ABCC8: variants seen among roughly 807,000 people sequenced by gnomAD.
ABCC8 encodes ATP binding cassette subfamily C member 8.
In ABCC8, 137 loss-of-function variants were observed where a neutral mutation model predicts 188.0. The observed-to-expected ratio is 0.73, with a 90% CI of 0.63 to 0.84. The LOEUF is 0.84. ABCC8 is among the 40% of genes least tolerant of loss of function. ABCC8 has a pLI of 0.00. For missense variants in ABCC8, 1,750 were observed against 2,072.7 expected, an observed-to-expected ratio of 0.84 and a Z score of 3.02; for synonymous variants, 797 against 846.5, an observed-to-expected ratio of 0.94 and a Z score of 1.01.
intron 6 of ABCC8, among the ~76,000 whole-genome samples, chr11:17,457,804 A>G (rs1218839952): frequency 1.3e-5 from 2 of 152,238 alleles, no homozygotes; most frequent in South Asian, 2.1e-4. Flanking sequence ...AACTCTGAGT[A>G]TCTTAGGAAG....
intron 10 of ABCC8, 68 bp downstream of exon 10, chr11:17,442,652 G>A (rs952847780): frequency 7.9e-6 from 12 of 1,517,222 alleles, no homozygotes; most frequent in African/African-American, 1.4e-5. Flanking sequence ...CCTCTTACCC[G>A]AGCTCTGACA....
rs17846721 is a variant in ABCC8, at chr11:17,393,084, C to T, written c.4653G>A (p.Leu1551=). The change falls in exon 39 of 39, where the codon CTG becomes CTA. Residue 1551 remains leucine, a synonymous_variant. Transcript: ENST00000389817. The part of the protein sequence containing the change: ...TILSADLVIV[L]KRGAILEFDK... Reference sequence around the variant, plus strand: ...CGAACTCAAGGATGGCACCCCGCTTCAGGACGATCACCAGGTCTGCACTCA... The same window carrying T: ...CGAACTCAAGGATGGCACCCCGCTTTAGGACGATCACCAGGTCTGCACTCA... 1.7e-5 allele frequency: 28 copies of T among 1,613,936 alleles called. No individual in the cohort carries two copies. The East Asian group carries it at 6.2e-4, about 36-fold the overall frequency.
At chr11:17,420,189 A>G (rs1955271313) in intron 16 of ABCC8, among the ~76,000 whole-genome samples, 1 of 152,222 alleles carries the variant, frequency 6.6e-6, no homozygotes, top group Non-Finnish European at 1.5e-5. Context: ...TCCTGCCCAG[A>G]CAGGCTTGTC....
chr11:17,463,564 G>T lies in ABCC8; in HGVS notation c.453C>A (p.Thr151=). ...GGTCCAAGAACTTGACAAACTTGAT[G>T]GTCTTGGTGATGAAGGCCAGGGTCC... is the stretch of plus-strand genomic sequence containing the variant. ...VYWTLAFITK[T]IKFVKFLDHA... is the part of the protein sequence containing the mutation. The change falls in exon 4 of 39, where the codon ACC becomes ACA. Residue 151 remains threonine, a synonymous_variant. Coordinates refer to ENST00000389817, the MANE Select transcript of ABCC8 (RefSeq NM_000352.6). 6.3e-7 allele frequency: 1 copy of T among 1,592,908 alleles called. No homozygotes were observed. Among genetic ancestry groups the T allele is most frequent in the South Asian group, 1.1e-5 (1 of 87,248 alleles).
Position 17,475,029 on chromosome 11 carries a change from T to G in ABCC8, c.149-2A>C. On this transcript the variant is annotated splice_acceptor_variant, in intron 1 of 38. Coordinates refer to ENST00000389817, the MANE Select transcript of ABCC8 (RefSeq NM_000352.6). LOFTEE classifies it high-confidence loss of function. ...CCTTGGAGCTCTGACTTCCCCATCCTGCAGGGAGAGACAGTCAGAGGCAGG... is the reference window on the plus strand; with the variant it reads ...CCTTGGAGCTCTGACTTCCCCATCCGGCAGGGAGAGACAGTCAGAGGCAGG... 6.2e-7 allele frequency: 1 copy of G among 1,614,128 alleles called. No homozygotes were observed. The highest frequency in any genetic ancestry group is 8.5e-7 in the Non-Finnish European group (1 of 1,180,002).
intron 16 of ABCC8, among the ~76,000 whole-genome samples, chr11:17,423,226 G>A (rs1955429306): frequency 1.3e-5 from 2 of 151,848 alleles, no homozygotes; most frequent in African/African-American, 4.8e-5. Context: ...GCATGGTGGT[G>A]TACACCTGTA....
At chr11:17,423,904 C>A (rs1955465228) in intron 16 of ABCC8, among the ~76,000 whole-genome samples, 1 of 152,260 alleles carries the variant, frequency 6.6e-6, no homozygotes, top group African/African-American at 2.4e-5. Context: ...CCACTTCTGC[C>A]ATTTAACAGC....
chr11:17,420,051 T>C (rs1955264056), intron 16 of ABCC8, among the ~76,000 whole-genome samples: 1 of 152,034 alleles, frequency 6.6e-6, no homozygotes, highest in Non-Finnish European at 1.5e-5. Context: ...GCCCCAAAAG[T>C]ACAGGCAGAG....
At position 17,428,283 on chromosome 11, in the gene ABCC8, A is replaced by T. The variant is rs376331509; in HGVS notation, c.2040+6T>A. 5.0e-6 allele frequency: 8 copies of T among 1,613,756 alleles called. No homozygotes were observed. In the African/African-American group the frequency reaches 5.3e-5, roughly 11 times the overall value. ...GGGTGGCCAGGCATGGGGCAGCAGG[A>T]CTCACCTGGACACAGCAGTTGTCAG... On this transcript the variant is annotated splice_donor_region_variant and intron_variant, in intron 14 of 38. Transcript: ENST00000389817.
chr11:17,470,975 A>G lies in ABCC8; in HGVS notation c.291-753T>C, dbSNP rs1031270821. ...ATGCCCTTCCACAGCTCCCTCCTGC[A>G]GACAGCAAAACCCACTCTGCTCAGC... is the stretch of plus-strand genomic sequence containing the variant. On this transcript the variant is annotated intron_variant, in intron 2 of 38. Coordinates refer to ENST00000389817, the MANE Select transcript of ABCC8 (RefSeq NM_000352.6). Among the ~76,000 whole-genome samples the G allele has an allele frequency of 2.6e-5, 4 of 152,186 alleles. No individual in the cohort carries two copies. In the East Asian group the frequency reaches 7.7e-4, roughly 29 times the overall value.
chr11:17,474,836 AAGT>A (rs1273307784), intron 2 of ABCC8, 47 bp downstream of exon 2: 6 of 1,596,360 alleles, frequency 3.8e-6, no homozygotes, highest in Non-Finnish European at 5.2e-6. Flanking sequence ...GCCTTTCAGG[AAGT>A]ACCCTGGAGC....
chr11:17,453,421 T>G lies in ABCC8; in HGVS notation c.1012-138A>C, dbSNP rs186137949. 186 of 1,206,858 alleles carry G rather than the reference T, an allele frequency of 1.5e-4. No individual in the cohort carries two copies. In the African/African-American group the frequency reaches 2.6e-3, roughly 17 times the overall value. The allele number at this position is 1,206,858 out of a possible 1,614,324, so 74.8% of individuals were successfully genotyped here. A position where few individuals can be genotyped will look rare whatever the true frequency, so the allele number is the denominator to read the frequency against. On this transcript the variant is annotated intron_variant, in intron 6 of 38. Coordinates refer to ENST00000389817, the MANE Select transcript of ABCC8 (RefSeq NM_000352.6). ...GCTTGCAAAGGCTTGTGCAATTGTT[T>G]ATGAGTGAAAAATCAGACTGATAAA...
intron 10 of ABCC8, among the ~76,000 whole-genome samples, chr11:17,440,677 T>C (rs186280502): frequency 6.6e-6 from 1 of 152,350 alleles, no homozygotes; most frequent in East Asian, 1.9e-4. Context: ...GCTTGCACCA[T>C]GTATGGCAGA....
intron 23 of ABCC8, 48 bp from the exon 24 acceptor site, chr11:17,407,501 G>A (rs945683819): frequency 1.2e-6 from 2 of 1,613,618 alleles, no homozygotes; most frequent in African/African-American, 1.3e-5. Flanking sequence ...TATATGGTTG[G>A]TGGGGGAAGG....
rs1352191146 is a variant in ABCC8, at chr11:17,406,661, T to C, written c.3290A>G (p.His1097Arg). The change falls in exon 26 of 39, where the codon CAC (histidine) becomes CGC (arginine). Residue 1097 changes from histidine to arginine, a missense_variant. Physicochemically the swap from His to Arg is conservative, Grantham distance 29. Coordinates refer to ENST00000389817, the MANE Select transcript of ABCC8 (RefSeq NM_000352.6). The stretch of plus-strand genomic sequence containing the variant: ...GATGATCCGGTTTAGCAGGCTGCGG[T>C]GCAGTCTCTTGGCCACCTTCAGCCC... ...WTGLKVAKRL[H>R]RSLLNRIILA... The C allele has an allele frequency of 2.5e-6, 4 of 1,614,012 alleles. No individual in the cohort carries two copies. The highest frequency in any genetic ancestry group is 1.1e-5 in the South Asian group (1 of 91,070).
intron 10 of ABCC8, among the ~76,000 whole-genome samples, chr11:17,438,858 T>G (rs541686971): frequency 6.6e-6 from 1 of 152,344 alleles, no homozygotes; most frequent in African/African-American, 2.4e-5. Context: ...TTCAATTCAC[T>G]GAGAGTCAGT....
intron 19 of ABCC8, among the ~76,000 whole-genome samples, chr11:17,413,753 T>C (rs1305501719): frequency 6.6e-6 from 1 of 152,180 alleles, no homozygotes; most frequent in East Asian, 1.9e-4. Flanking sequence ...ATGATCTCTG[T>C]GCAGTGGGAA....
rs755795582 is a variant in ABCC8, at chr11:17,428,408, G to A, written c.1924-3C>T. On this transcript the variant is annotated splice_polypyrimidine_tract_variant and splice_region_variant and intron_variant, in intron 13 of 38. Transcript: ENST00000389817. Reference sequence around the variant, plus strand: ...TTGCGGTTCACAACCCTGAGGGGCTGGGGGTGGTTTGGAGGTGAGGACCCA... The same window carrying A: ...TTGCGGTTCACAACCCTGAGGGGCTAGGGGTGGTTTGGAGGTGAGGACCCA... 3 of 1,612,300 alleles carry A rather than the reference G, an allele frequency of 1.9e-6. No individual in the cohort carries two copies. The South Asian group carries it at 3.3e-5, about 18-fold the overall frequency.
At position 17,395,662 on chromosome 11, in the gene ABCC8, A is replaced by G. The variant is rs1953881353; in HGVS notation, c.4255T>C (p.Ser1419Pro). ...TCCTGCAGGATGATGGAGAGGCGTG[A>G]GCGCAGGGTGTGCAGCGGCAGTTTG... Reference protein sequence around the residue: ...IAKLPLHTLRSRLSIILQDPV... With the variant: ...IAKLPLHTLRPRLSIILQDPV... The change falls in exon 35 of 39, where the codon TCA (serine) becomes CCA (proline). Residue 1419 changes from serine (S) to proline (P), a missense_variant. Physicochemically the swap from Ser to Pro is moderately conservative, Grantham distance 74. Transcript: ENST00000389817. 1 of 1,561,046 alleles carries G rather than the reference A, an allele frequency of 6.4e-7. No homozygotes were observed. The highest frequency in any genetic ancestry group is 2.4e-5 in the East Asian group (1 of 41,984).
Sources: gnomAD v4.1 joint callset for allele counts (sites outside exome capture counted in the v4.1 genomes callset) on GRCh38, gnomAD v4.1.1 for gene constraint, MANE v1.5 for transcripts, NCBI Gene and HGNC (gene_info 2026-07-23, HGNC 2026-07-21) for gene names.